The following SRGAP3 variants were observed in gnomAD, a reference collection of about 807,000 sequenced individuals.
SRGAP3 encodes SLIT-ROBO Rho GTPase activating protein 3.
A neutral mutation model predicts 121.1 loss-of-function variants in SRGAP3; 39 were observed. That is an observed-to-expected ratio of 0.32 (90% CI 0.25 to 0.42). The LOEUF (loss-of-function observed/expected upper bound fraction) is 0.42. Among genes scored for constraint, SRGAP3 ranks in the 10% least tolerant of loss-of-function variants. SRGAP3 has a pLI of 1.00. For missense variants in SRGAP3, 1,213 were observed against 1,470.6 expected, an observed-to-expected ratio of 0.82 and a Z score of 2.86; for synonymous variants, 601 against 570.0, an observed-to-expected ratio of 1.05 and a Z score of -0.77.
At chr3:9,147,165 C>G (rs1176545403) in intron 1 of SRGAP3, among the ~76,000 whole-genome samples, 1 of 152,154 alleles carries the variant, frequency 6.6e-6, no homozygotes, top group Non-Finnish European at 1.5e-5. Context: ...CAAGGACACA[C>G]CCCCATTTTT....
At chr3:9,130,756 G>A (rs1949415150) in intron 1 of SRGAP3, among the ~76,000 whole-genome samples, 1 of 152,240 alleles carries the variant, frequency 6.6e-6, no homozygotes, top group Non-Finnish European at 1.5e-5. Flanking sequence ...GCAAGATGGT[G>A]ATCTAAAGAG....
rs1000158883 is a variant in SRGAP3, at chr3:8,984,803, C to T, written c.*716G>A. On this transcript the variant is annotated 3_prime_UTR_variant, in exon 22 of 22. Transcript: ENST00000383836. ...CTGCTTGGGGGTACTGCCTGCCCCA[C>T]CCTTCCTTGAGGGGCAGACTGTTCT... The T allele has an allele frequency of 4.3e-6, 1 of 231,320 alleles. No homozygotes were observed. The highest frequency in any genetic ancestry group is 2.2e-5 in the African/African-American group (1 of 45,280). The allele number at this position is 231,320 out of a possible 1,614,324, so 14.3% of individuals were successfully genotyped here.
At chr3:9,154,991 GT>G (rs1432127247) in intron 1 of SRGAP3, among the ~76,000 whole-genome samples, 1 of 145,716 alleles carries the variant, frequency 6.9e-6, no homozygotes, top group Admixed American at 6.7e-5. Flanking sequence ...TTTGTTTTAT[GT>G]TTTTTGTTTT....
chr3:9,354,306 C>G (rs910219843), intron 1 of SRGAP3, among the ~76,000 whole-genome samples: 1 of 152,170 alleles, frequency 6.6e-6, no homozygotes, highest in Non-Finnish European at 1.5e-5. Flanking sequence ...CCTTGCCTCT[C>G]TCTGCAGGAG....
chr3:9,084,060 G>C (rs1162394), intron 3 of SRGAP3, among the ~76,000 whole-genome samples: 54,033 of 152,006 alleles, frequency 0.36, 10,466 homozygotes, highest in Non-Finnish European at 0.45. Context: ...TCCTGGGCTT[G>C]TCAACTGGAT....
chr3:9,140,317 G>C (rs1156880377), intron 1 of SRGAP3, among the ~76,000 whole-genome samples: 1 of 152,172 alleles, frequency 6.6e-6, no homozygotes, highest in Admixed American at 6.5e-5. Flanking sequence ...CATACAAATA[G>C]CCTTGGAAAA....
At chr3:9,263,451 T>A (rs897094724) in intron 3 of SRGAP3, among the ~76,000 whole-genome samples, 2 of 151,000 alleles carry the variant, frequency 1.3e-5, no homozygotes, top group East Asian at 3.9e-4. Context: ...TTTGAAAAAA[T>A]TAACAAAATA....
chr3:9,249,071 A>G lies in SRGAP3; in HGVS notation c.-120T>C. 2 of 965,514 alleles carry G rather than the reference A, an allele frequency of 2.1e-6. No individual in the cohort carries two copies. Among genetic ancestry groups the G allele is most frequent in the Non-Finnish European group, 3.3e-6 (2 of 606,708 alleles). 59.8% of individuals were successfully genotyped at this position (965,514 alleles called of 1,614,324 possible). A position where few individuals can be genotyped will look rare whatever the true frequency, so the allele number is the denominator to read the frequency against. On this transcript the variant is annotated 5_prime_UTR_variant, in exon 1 of 22. Transcript: ENST00000383836. The stretch of plus-strand genomic sequence containing the variant: ...GGTCGATTTCACAGGTTTAGGGACT[A>G]ATCTCTTTCACTTGGCTGCAGAGCA...
chr3:9,080,893 A>C (rs1947213611), intron 3 of SRGAP3, among the ~76,000 whole-genome samples: 1 of 152,176 alleles, frequency 6.6e-6, no homozygotes, highest in Non-Finnish European at 1.5e-5. Context: ...CTGATTCTAC[A>C]TTACAGTGAG....
intron 3 of SRGAP3, among the ~76,000 whole-genome samples, chr3:9,322,282 C>G (rs550501400): frequency 6.6e-6 from 1 of 151,682 alleles, no homozygotes; most frequent in Non-Finnish European, 1.5e-5. Context: ...GATTTGGGTA[C>G]GTGAGATGGA....
At chr3:9,086,457 T>C (rs1169221832) in intron 3 of SRGAP3, among the ~76,000 whole-genome samples, 2 of 148,934 alleles carry the variant, frequency 1.3e-5, no homozygotes, top group South Asian at 4.3e-4. Context: ...TAGGTAGGGG[T>C]TGCAGGGAGC....
Position 9,067,659 on chromosome 3 carries a change from G to A in SRGAP3, c.487-3078C>T, listed in dbSNP as rs1006360480. 2.6e-5 allele frequency among the ~76,000 whole-genome samples: 4 copies of A among 152,178 alleles called. No individual in the cohort carries two copies. The East Asian group carries it at 7.7e-4, about 29-fold the overall frequency. ...TGGGGCCTGTCAGGGGAGGCGGCGGGAGGGAGAGCATCAGGATAAATAGCT... is the reference window on the plus strand; with the variant it reads ...TGGGGCCTGTCAGGGGAGGCGGCGGAAGGGAGAGCATCAGGATAAATAGCT... On this transcript the variant is annotated intron_variant, in intron 4 of 21. Coordinates refer to ENST00000383836, the MANE Select transcript of SRGAP3 (RefSeq NM_014850.4).
intron 21 of SRGAP3, among the ~76,000 whole-genome samples, 163 bp from the exon 22 acceptor site, chr3:8,986,095 T>C (rs1941688939): frequency 6.6e-6 from 1 of 152,104 alleles, no homozygotes; most frequent in Non-Finnish European, 1.5e-5. Flanking sequence ...GGAGAACCAA[T>C]GTGGATATCC....
At chr3:9,062,880 T>C (rs967178694) in intron 5 of SRGAP3, among the ~76,000 whole-genome samples, 1 of 152,222 alleles carries the variant, frequency 6.6e-6, no homozygotes, top group African/African-American at 2.4e-5. Flanking sequence ...CTTGGGTGGA[T>C]ACCTAGGAAT....
At position 8,994,372 on chromosome 3, in the gene SRGAP3, G is replaced by T; in HGVS notation, c.2379C>A (p.Ile793=). The change falls in exon 19 of 22, where the codon ATC becomes ATA. Residue 793 remains isoleucine (I), a synonymous_variant. Transcript: ENST00000383836. ...CCTGTACAACTATGTACTGATGGGG[G>T]ATGAGTCCATCCACGCCGTTGTGCC... ...EGRHNGVDGL[I]PHQYIVVQDM... 6.2e-7 allele frequency: 1 copy of T among 1,614,188 alleles called. No individual in the cohort carries two copies. Among genetic ancestry groups the T allele is most frequent in the Non-Finnish European group, 8.5e-7 (1 of 1,180,038 alleles).
At position 9,190,048 on chromosome 3, in the gene SRGAP3, G is replaced by C. The variant is rs186058677; in HGVS notation, c.67+58837C>G. On this transcript the variant is annotated intron_variant, in intron 1 of 21. Transcript: ENST00000383836. ...TCATCCCCGCTTAACGGGTGAAATT[G>C]ACACACAAGAGTGGTCAAGTAACCC... is the stretch of plus-strand genomic sequence containing the variant. Among the ~76,000 whole-genome samples, 18 of 152,174 alleles carry C rather than the reference G, an allele frequency of 1.2e-4. No individual in the cohort carries two copies. In the East Asian group the frequency reaches 3.5e-3, roughly 29 times the overall value.
intron 1 of SRGAP3, among the ~76,000 whole-genome samples, chr3:9,211,965 C>G (rs1167311305): frequency 3.3e-5 from 5 of 152,104 alleles, no homozygotes; most frequent in African/African-American, 1.2e-4. Flanking sequence ...TGTGAGCCAC[C>G]ACTCCCGGCC....
chr3:9,092,318 T>C (rs565324658), intron 3 of SRGAP3, among the ~76,000 whole-genome samples: 3 of 152,306 alleles, frequency 2.0e-5, no homozygotes, highest in East Asian at 1.9e-4. Flanking sequence ...ATAATGGTAA[T>C]ACTTATTAAT....
chr3:9,029,583 C>T (rs962484637), intron 12 of SRGAP3, among the ~76,000 whole-genome samples: 1 of 152,176 alleles, frequency 6.6e-6, no homozygotes, highest in African/African-American at 2.4e-5. Flanking sequence ...AAAAACTTTT[C>T]ACAGGTGTGG....
Sources: allele counts gnomAD v4.1 joint callset (sites outside exome capture counted in the v4.1 genomes callset), GRCh38; gene constraint gnomAD v4.1.1; transcripts MANE v1.5; gene names NCBI Gene and HGNC (gene_info 2026-07-23, HGNC 2026-07-21).